Variants in GSK3B observed in about 807,000 individuals in gnomAD.
GSK3B encodes the protein glycogen synthase kinase 3 beta.
Under a neutral mutation model 56.4 loss-of-function variants are expected in GSK3B, and 15 were observed. The ratio of observed to expected loss-of-function variants is 0.27; its 90% CI spans 0.18 to 0.41. The LOEUF is 0.41. Ranked by LOEUF, GSK3B falls within the 10% of genes least tolerant of loss-of-function variation. The probability of loss-of-function intolerance (pLI) is 1.00; values close to 1 mark genes in which losing one functional copy is unlikely to be tolerated. For missense variants in GSK3B, 300 were observed against 513.4 expected, an observed-to-expected ratio of 0.58 and a Z score of 4.02; for synonymous variants, 181 against 188.9, an observed-to-expected ratio of 0.96 and a Z score of 0.34.
At chr3:119,991,510 C>CA (rs61063108) in intron 2 of GSK3B, among the ~76,000 whole-genome samples, 7,236 of 78,646 alleles carry the variant, frequency 0.092, 348 homozygotes, top group Non-Finnish European at 0.12. Context: ...TACTATTCAC[C>CA]AAAAAAAAAA....
rs184501359 is a variant in GSK3B, at chr3:120,055,720, A to G, written c.88+37627T>C. Among the ~76,000 whole-genome samples, 404 of 152,318 alleles carry G rather than the reference A, an allele frequency of 2.7e-3. 6 individuals carry two copies. The highest frequency in any genetic ancestry group is 1.5e-3 in the Non-Finnish European group (100 of 68,030). On this transcript the variant is annotated intron_variant, in intron 1 of 10. Transcript: ENST00000264235. ...CTCAGTAACAACTGGGAAAAAGCAG[A>G]TATGTCTACTGTTTCATCCTAGTCA... is the stretch of plus-strand genomic sequence containing the variant.
intron 7 of GSK3B, 106 bp downstream of exon 7, chr3:119,905,649 C>T (rs1340591202): frequency 1.3e-5 from 9 of 708,564 alleles, no homozygotes; most frequent in Non-Finnish European, 2.3e-5. Flanking sequence ...CCTTGGATTG[C>T]TTCCTCCATT....
chr3:119,924,448 A>C (rs2056871812), intron 3 of GSK3B, among the ~76,000 whole-genome samples: 1 of 152,258 alleles, frequency 6.6e-6, no homozygotes, highest in Admixed American at 6.5e-5. Context: ...GCATTTACTG[A>C]GCATTTTCCA....
At chr3:119,906,173 T>C (rs143222242) in intron 6 of GSK3B, among the ~76,000 whole-genome samples, 234 of 152,208 alleles carry the variant, frequency 1.5e-3, no homozygotes, top group Non-Finnish European at 2.6e-3. Flanking sequence ...TATCTATTTA[T>C]CTTACTTAAA....
intron 2 of GSK3B, among the ~76,000 whole-genome samples, chr3:119,991,641 A>G (rs1251066527): frequency 6.6e-6 from 1 of 152,118 alleles, no homozygotes; most frequent in Non-Finnish European, 1.5e-5. Context: ...AGGCAATCCC[A>G]AACAGCAGCT....
Position 119,869,234 on chromosome 3 carries a change from A to AAAAAC in GSK3B, c.910-5630_910-5629insGTTTT, listed in dbSNP as rs1251603505. On this transcript the variant is annotated intron_variant, in intron 8 of 10. Transcript: ENST00000264235. ...TCAAGATTCCATCTCAAAAAAAAAA[A>AAAAAC]AAAAAAAAAAAACATATATTCTTTG... Among the ~76,000 whole-genome samples the AAAAAC allele has an allele frequency of 2.8e-4, 42 of 150,476 alleles. 1 individual carries two copies. Among genetic ancestry groups the AAAAAC allele is most frequent in the Non-Finnish European group, 4.6e-4 (31 of 67,622 alleles).
intron 10 of GSK3B, among the ~76,000 whole-genome samples, chr3:119,828,955 G>A (rs1285549028): frequency 6.6e-6 from 1 of 152,116 alleles, no homozygotes; most frequent in South Asian, 2.1e-4. Context: ...CCATGTAATG[G>A]GGTCATATTA....
intron 3 of GSK3B, among the ~76,000 whole-genome samples, chr3:119,932,034 G>A (rs1428674976): frequency 6.6e-6 from 1 of 152,138 alleles, no homozygotes; most frequent in Non-Finnish European, 1.5e-5. Flanking sequence ...AACAACAGCT[G>A]AGATAACTCC....
chr3:119,998,184 T>C (rs997834331), intron 2 of GSK3B, among the ~76,000 whole-genome samples: 2 of 152,220 alleles, frequency 1.3e-5, no homozygotes, highest in Non-Finnish European at 2.9e-5. Flanking sequence ...CCCTAAATGA[T>C]ACCTGCCTCC....
At chr3:119,956,934 C>CA (rs2057220130) in intron 2 of GSK3B, among the ~76,000 whole-genome samples, 2 of 152,180 alleles carry the variant, frequency 1.3e-5, no homozygotes, top group Admixed American at 1.3e-4. Context: ...GAAAAGCAGT[C>CA]AGACAATATT....
intron 1 of GSK3B, among the ~76,000 whole-genome samples, chr3:120,089,493 C>T (rs1449060645): frequency 6.6e-6 from 1 of 152,154 alleles, no homozygotes; most frequent in East Asian, 1.9e-4. Context: ...AATACGGAAA[C>T]TCTAAGTTGC....
At chr3:120,082,385 C>CTTTTTTTTTTTTTTTTTT (rs1173737285) in intron 1 of GSK3B, among the ~76,000 whole-genome samples, 2 of 66,398 alleles carry the variant, frequency 3.0e-5, no homozygotes, top group Non-Finnish European at 6.0e-5. Context: ...TTAGTATGTT[C>CTTTTTTTTTTTTTTTTTT]TTTTTTTTTT....
At chr3:119,853,484 G>C (rs975898138) in intron 9 of GSK3B, among the ~76,000 whole-genome samples, 1 of 152,114 alleles carries the variant, frequency 6.6e-6, no homozygotes, top group South Asian at 2.1e-4. Flanking sequence ...TGATGAGGAT[G>C]GCACTGAATC....
intron 1 of GSK3B, among the ~76,000 whole-genome samples, chr3:120,048,846 T>C (rs12489805): frequency 6.6e-6 from 1 of 152,200 alleles, no homozygotes; most frequent in Admixed American, 6.5e-5. Flanking sequence ...TGTTAATACA[T>C]CAACTTAGCA....
intron 2 of GSK3B, among the ~76,000 whole-genome samples, chr3:119,951,514 T>C (rs2057157184): frequency 6.6e-6 from 1 of 152,192 alleles, no homozygotes; most frequent in Non-Finnish European, 1.5e-5. Context: ...GAGCCTGCAG[T>C]AAGCTGAGAT....
intron 9 of GSK3B, among the ~76,000 whole-genome samples, chr3:119,856,162 C>G (rs960648257): frequency 3.9e-5 from 6 of 152,028 alleles, no homozygotes; most frequent in Non-Finnish European, 8.8e-5. Flanking sequence ...CCTTGAATAT[C>G]CTTTAATCCA....
chr3:119,828,395 T>A lies in GSK3B; in HGVS notation c.1196-1540A>T, dbSNP rs373529051. On this transcript the variant is annotated intron_variant, in intron 10 of 10. Transcript: ENST00000264235. The stretch of plus-strand genomic sequence containing the variant: ...AGAAGGTACTGCTGGCCAAATTTTC[T>A]CCCAAAGATTTCACACTAAGCCCTG... Among the ~76,000 whole-genome samples the A allele has an allele frequency of 3.3e-5, 5 of 152,300 alleles. No individual in the cohort carries two copies. The East Asian group carries it at 9.6e-4, about 29-fold the overall frequency.
intron 1 of GSK3B, among the ~76,000 whole-genome samples, chr3:120,017,466 C>T (rs1157703989): frequency 6.6e-6 from 1 of 152,164 alleles, no homozygotes; most frequent in Non-Finnish European, 1.5e-5. Context: ...ATTCTGACAA[C>T]CCAAATGCCC....
chr3:120,067,258 G>T lies in GSK3B; in HGVS notation c.88+26089C>A, dbSNP rs140882855. Among the ~76,000 whole-genome samples the T allele has an allele frequency of 7.6e-3, 1,142 of 149,584 alleles. 10 individuals are homozygous for T. Among genetic ancestry groups the T allele is most frequent in the Non-Finnish European group, 0.012 (826 of 67,632 alleles). On this transcript the variant is annotated intron_variant, in intron 1 of 10. Transcript: ENST00000264235. ...CATCAAAAAAAAAAAAAAAAGAGAGGTAACTAGGCATCACATGACACCTGA... is the reference window on the plus strand; with the variant it reads ...CATCAAAAAAAAAAAAAAAAGAGAGTTAACTAGGCATCACATGACACCTGA...
Sources: gnomAD v4.1 joint callset for allele counts (sites outside exome capture counted in the v4.1 genomes callset) on GRCh38, gnomAD v4.1.1 for gene constraint, MANE v1.5 for transcripts, NCBI Gene and HGNC (gene_info 2026-07-23, HGNC 2026-07-21) for gene names.